The following GRID1 variants were observed in gnomAD, a reference collection of about 807,000 sequenced individuals.
The protein encoded by GRID1 is glutamate ionotropic receptor delta type subunit 1, also known as glutamate receptor ionotropic, delta-1.
GRID1 carries 28 observed loss-of-function variants against 98.0 expected under a neutral mutation model. That is an observed-to-expected ratio of 0.29 (90% confidence interval 0.21 to 0.39). The LOEUF (loss-of-function observed/expected upper bound fraction) is 0.39, where lower values mean the gene tolerates loss of function less well. Ranked by LOEUF, GRID1 falls within the 10% of genes least tolerant of loss-of-function variation. GRID1 has a pLI of 1.00. For missense variants in GRID1, 1,111 were observed against 1,340.5 expected, an observed-to-expected ratio of 0.83 and a Z score of 2.67; for synonymous variants, 553 against 538.5, an observed-to-expected ratio of 1.03 and a Z score of -0.37.
chr10:85,706,564 C>T (rs541568879), intron 12 of GRID1, among the ~76,000 whole-genome samples: 16 of 152,166 alleles, frequency 1.1e-4, no homozygotes, highest in African/African-American at 3.1e-4. Context: ...TCAATGCCAT[C>T]CCCATCAAGC....
chr10:85,735,917 A>AGGAG, intron 8 of GRID1, among the ~76,000 whole-genome samples: 1 of 140,690 alleles, frequency 7.1e-6, no homozygotes, highest in Non-Finnish European at 1.6e-5. Flanking sequence ...AAGCAAGAGA[A>AGGAG]GGAAGGAAGG....
Position 86,277,734 on chromosome 10 carries a change from A to T in GRID1, c.236-71086T>A, listed in dbSNP as rs188193855. ...AATTAAAAGGGAATCAAAGTGTTTC[A>T]CTACCAAAAAAAATCAACTAAACAC... On this transcript the variant is annotated intron_variant, in intron 2 of 15. Coordinates refer to ENST00000327946, the MANE Select transcript of GRID1 (RefSeq NM_017551.3). 1.2e-4 allele frequency among the ~76,000 whole-genome samples: 19 copies of T among 152,296 alleles called. No individual in the cohort carries two copies. In the East Asian group the frequency reaches 3.7e-3, roughly 29 times the overall value.
intron 4 of GRID1, among the ~76,000 whole-genome samples, chr10:86,011,781 A>G (rs1417043225): frequency 1.3e-5 from 2 of 152,240 alleles, no homozygotes; most frequent in African/African-American, 2.4e-5. Flanking sequence ...CTCAACAGTG[A>G]TGAACTCTAA....
chr10:85,690,327 A>G (rs1251021073), intron 12 of GRID1, among the ~76,000 whole-genome samples: 1 of 152,164 alleles, frequency 6.6e-6, no homozygotes, highest in Non-Finnish European at 1.5e-5. Context: ...TCTTAATCTA[A>G]GCCTGATTAC....
At chr10:85,861,270 TC>T (rs1843161552) in intron 6 of GRID1, among the ~76,000 whole-genome samples, 1 of 152,048 alleles carries the variant, frequency 6.6e-6, no homozygotes, top group African/African-American at 2.4e-5. Flanking sequence ...GGGTCAGAGA[TC>T]AAGCAAGAAT....
At chr10:86,316,422 G>T (rs542970466) in intron 2 of GRID1, among the ~76,000 whole-genome samples, 10 of 152,238 alleles carry the variant, frequency 6.6e-5, no homozygotes, top group Non-Finnish European at 1.5e-4. Context: ...AGTCTCCAGA[G>T]ATACAACAAT....
At chr10:86,212,137 T>C (rs1171556802) in intron 2 of GRID1, among the ~76,000 whole-genome samples, 4 of 152,302 alleles carry the variant, frequency 2.6e-5, no homozygotes, top group African/African-American at 9.6e-5. Context: ...AACAAGGCTG[T>C]GGGAAGCAAT....
At chr10:86,141,745 G>A (rs1416044498) in intron 3 of GRID1, among the ~76,000 whole-genome samples, 5 of 152,250 alleles carry the variant, frequency 3.3e-5, no homozygotes, top group East Asian at 3.8e-4. Flanking sequence ...CTGGCTGGTG[G>A]CTACCATGTT....
rs539656609 is a variant in GRID1 at position 86,061,467 on chromosome 10, G to A, written c.726+77352C>T. Among the ~76,000 whole-genome samples, 17 of 152,268 alleles carry A rather than the reference G, an allele frequency of 1.1e-4. No homozygotes were observed. The South Asian group carries it at 1.9e-3, about 17-fold the overall frequency. On this transcript the variant is annotated intron_variant, in intron 4 of 15. Transcript: ENST00000327946. ...TCAGCTTCAAAATAGCAGCCCTGCC[G>A]TCTGGCTCGCCCTCTCCAATCTGTC...
At chr10:86,092,581 G>C (rs1169485480) in intron 4 of GRID1, among the ~76,000 whole-genome samples, 2 of 152,160 alleles carry the variant, frequency 1.3e-5, no homozygotes, top group Non-Finnish European at 1.5e-5. Flanking sequence ...AGCAGGAGTA[G>C]CTATTCTTAT....
chr10:85,805,220 A>C (rs1189481963), intron 8 of GRID1, among the ~76,000 whole-genome samples: 1 of 151,714 alleles, frequency 6.6e-6, no homozygotes, highest in African/African-American at 2.4e-5. Context: ...ACCATTAGTT[A>C]GCCACTGAAA....
At chr10:86,340,585 C>A (rs896461798) in intron 2 of GRID1, among the ~76,000 whole-genome samples, 3 of 152,152 alleles carry the variant, frequency 2.0e-5, no homozygotes, top group African/African-American at 7.2e-5. Context: ...ACTCCAGGGG[C>A]ACAGGGGCCT....
chr10:86,150,359 A>C (rs1845147698), intron 3 of GRID1, among the ~76,000 whole-genome samples: 1 of 152,206 alleles, frequency 6.6e-6, no homozygotes, highest in African/African-American at 2.4e-5. Flanking sequence ...AAAGATGAAA[A>C]AACTGAAGGC....
intron 2 of GRID1, among the ~76,000 whole-genome samples, chr10:86,355,126 T>A (rs1326265051): frequency 6.6e-6 from 1 of 152,204 alleles, no homozygotes. Flanking sequence ...GCTGGGCTAT[T>A]CTAGTGCATT....
Position 85,755,752 on chromosome 10 carries a change from T to C in GRID1, c.1234-26138A>G, listed in dbSNP as rs546781624. Among the ~76,000 whole-genome samples the C allele has an allele frequency of 4.6e-5, 7 of 152,202 alleles. No individual in the cohort carries two copies. In the South Asian group the frequency reaches 1.2e-3, roughly 27 times the overall value. On this transcript the variant is annotated intron_variant, in intron 8 of 15. Coordinates refer to ENST00000327946, the MANE Select transcript of GRID1 (RefSeq NM_017551.3). ...ACACGTGTTGGGGCCCTGACACCCT[T>C]GCCCAAGAACCCCATTTCCTGGTGA...
rs1049338056 is a variant in GRID1, at chr10:85,601,958, G to A, written c.*315C>T. On this transcript the variant is annotated 3_prime_UTR_variant, in exon 16 of 16. Coordinates refer to ENST00000327946, the MANE Select transcript of GRID1 (RefSeq NM_017551.3). ...CCCCTCCTGCCCTCAGAAAGGCCCA[G>A]GAATGGGGGGGCTCCTTTGGCACTT... 3.7e-6 allele frequency: 1 copy of A among 268,560 alleles called. No homozygotes were observed. Among genetic ancestry groups the A allele is most frequent in the Non-Finnish European group, 7.0e-6 (1 of 142,464 alleles). 16.6% of individuals were successfully genotyped at this position (268,560 alleles called of 1,614,324 possible). A position where few individuals can be genotyped will look rare whatever the true frequency, so the allele number is the denominator to read the frequency against.
At chr10:86,032,866 C>T (rs1313395210) in intron 4 of GRID1, among the ~76,000 whole-genome samples, 2 of 148,908 alleles carry the variant, frequency 1.3e-5, no homozygotes, top group Non-Finnish European at 3.0e-5. Context: ...TCCTTGATAC[C>T]AGCTAATACC....
Position 86,366,386 on chromosome 10 carries a change from C to T in GRID1, c.7G>A (p.Ala3Thr). 1 of 1,505,988 alleles carries T rather than the reference C, an allele frequency of 6.6e-7. No homozygotes were observed. The highest frequency in any genetic ancestry group is 8.9e-7 in the Non-Finnish European group (1 of 1,124,450). The allele number at this position is 1,505,988 out of a possible 1,614,324, so 93.3% of individuals were successfully genotyped here. A position where few individuals can be genotyped will look rare whatever the true frequency, so the allele number is the denominator to read the frequency against. The change falls in exon 1 of 16, where the codon GCG becomes ACG. Residue 3 changes from alanine (A) to threonine (T), a missense_variant. Around this residue, in one of 3 missense-constraint regions of GRID1, gnomAD observed 346 missense variants for 452.3 expected, o/e 0.76. Coordinates refer to ENST00000327946, the MANE Select transcript of GRID1 (RefSeq NM_017551.3). The surrounding 1 kb of genome is among the most constrained non-coding windows in gnomAD (Gnocchi z 4.1). ...CAGGGGAGAAGCCACAGCGTCAGCG[C>T]TTCCATGTCCCCCGGGCGCGCGGCT... ME[A>T]LTLWLLPWIC...
chr10:86,086,077 C>A lies in GRID1; in HGVS notation c.726+52742G>T, dbSNP rs575259706. Among the ~76,000 whole-genome samples the A allele has an allele frequency of 9.2e-5, 14 of 152,270 alleles. No individual in the cohort carries two copies. In the East Asian group the frequency reaches 2.7e-3, roughly 29 times the overall value. ...TGTTCCCCATGTCCCCAGGGCTGAC[C>A]TATGCTCTTCCTTCAGGCTTCAGCT... On this transcript the variant is annotated intron_variant, in intron 4 of 15. Coordinates refer to ENST00000327946, the MANE Select transcript of GRID1 (RefSeq NM_017551.3).
Sources: gnomAD v4.1 joint callset for allele counts (sites outside exome capture counted in the v4.1 genomes callset) on GRCh38, gnomAD v4.1.1 for gene constraint, gnomAD v4.1.1 regional missense constraint, Gnocchi (gnomAD v3.1) non-coding constraint, MANE v1.5 for transcripts, NCBI Gene and HGNC (gene_info 2026-07-23, HGNC 2026-07-21) for gene names.